The following PLXNA4 variants were observed in gnomAD, a reference collection of about 807,000 sequenced individuals.
The protein encoded by PLXNA4 is plexin-A4.
In PLXNA4, 44 loss-of-function variants were observed where a neutral mutation model predicts 191.8. The ratio of observed to expected loss-of-function variants is 0.23; its 90% confidence interval spans 0.18 to 0.29. PLXNA4 has a LOEUF of 0.29. Among genes scored for constraint, PLXNA4 ranks in the 10% least tolerant of loss-of-function variants. PLXNA4 has a pLI of 1.00. For synonymous variants in PLXNA4, 1,082 were observed against 1,009.5 expected, an observed-to-expected ratio of 1.07 and a Z score of -1.36; for missense variants, 1,800 against 2,488.8, an observed-to-expected ratio of 0.72 and a Z score of 5.89.
At chr7:132,443,547 G>T (rs1308266298) in intron 3 of PLXNA4, among the ~76,000 whole-genome samples, 1 of 152,120 alleles carries the variant, frequency 6.6e-6, no homozygotes, top group Non-Finnish European at 1.5e-5. Context: ...CGGGCCTGTT[G>T]TCCATTTCCT....
chr7:132,227,538 A>C lies in PLXNA4; in HGVS notation c.1795T>G (p.Ser599Ala), dbSNP rs759656711. 1 of 1,614,178 alleles carries C rather than the reference A, an allele frequency of 6.2e-7. No individual in the cohort carries two copies. The highest frequency in any genetic ancestry group is 8.5e-7 in the Non-Finnish European group (1 of 1,180,044). Residue 599 changes from serine (S) to alanine (A), a missense_variant, in exon 7 of 32, where the codon TCA (serine) becomes GCA (alanine). Around this residue, in one of 6 missense-constraint regions of PLXNA4, gnomAD observed 1,397 missense variants for 1,880.4 expected, o/e 0.74. Transcript: ENST00000321063. ...CCCACGACCAGCCCATCCATCTCTG[A>C]CAGGTCCTCAAAGGTGCAGTTGACG... is the stretch of plus-strand genomic sequence containing the variant. Reference protein sequence around the residue: ...AGVNCTFEDLSEMDGLVVGNQ... With the variant: ...AGVNCTFEDLAEMDGLVVGNQ...
intron 3 of PLXNA4, among the ~76,000 whole-genome samples, chr7:132,437,966 T>A (rs1375157842): frequency 6.6e-6 from 1 of 151,946 alleles, no homozygotes; most frequent in Non-Finnish European, 1.5e-5. Flanking sequence ...ATGGGTTCTG[T>A]GGAGGCCAGG....
intron 3 of PLXNA4, among the ~76,000 whole-genome samples, chr7:132,371,545 C>T (rs547809956): frequency 6.6e-5 from 10 of 152,234 alleles, no homozygotes; most frequent in Admixed American, 2.0e-4. Context: ...TAATCCTCCC[C>T]CTAGGAGTTC....
intron 3 of PLXNA4, among the ~76,000 whole-genome samples, chr7:132,471,808 G>A (rs1415101706): frequency 3.3e-5 from 5 of 152,210 alleles, no homozygotes; most frequent in South Asian, 2.1e-4. Context: ...CAGCCACCTC[G>A]CTTTCCATAC....
rs367624546 is a variant in PLXNA4, at chr7:132,174,827, C to T, written c.3968G>A (p.Arg1323Gln). 12 of 1,614,072 alleles carry T rather than the reference C, an allele frequency of 7.4e-6. No individual in the cohort carries two copies. The highest frequency in any genetic ancestry group is 2.7e-5 in the African/African-American group (2 of 75,040). ...GTCTTCAATTCCTGGGAACAGCACC[C>T]GCATGGTGTAAGTTCTATAGTCCAG... ...PFLDYRTYTM[R>Q]VLFPGIEDHP... The change falls in exon 21 of 32, where the codon CGG becomes CAG. Residue 1323 changes from arginine (R) to glutamine (Q), a missense_variant. Transcript: ENST00000321063.
At position 132,507,599 on chromosome 7, in the gene PLXNA4, G is replaced by A. The variant is rs772703859; in HGVS notation, c.1095C>T (p.Asp365=). The change falls in exon 2 of 32, where the codon GAC becomes GAT. Residue 365 remains aspartate (D), a synonymous_variant. Transcript: ENST00000321063. ...LCIFILKQIN[D]RIKERLQSCY... ...AAGACTGCAGCCGCTCCTTAATGCG[G>A]TCATTTATCTGCTTCAAGATGAAGA... 5 of 1,614,068 alleles carry A rather than the reference G, an allele frequency of 3.1e-6. No homozygotes were observed. The highest frequency in any genetic ancestry group is 1.7e-5 in the Admixed American group (1 of 60,008).
Position 132,638,297 on chromosome 7 carries a change from G to A in PLXNA4, c.-87+7631C>T, listed in dbSNP as rs12536684. On this transcript the variant is annotated intron_variant, in intron 2 of 4. Transcript: ENST00000378539. Reference sequence around the variant, plus strand: ...TGAGCAGATCAACACACATCATAGCGGGTTTAGGCCTAGGATGGTTGGAAG... The same window carrying A: ...TGAGCAGATCAACACACATCATAGCAGGTTTAGGCCTAGGATGGTTGGAAG... Among the ~76,000 whole-genome samples the A allele has an allele frequency of 5.6e-3, 859 of 152,302 alleles. 8 individuals are homozygous for A. The highest frequency in any genetic ancestry group is 0.027 in the Middle Eastern group (8 of 294).
At chr7:132,594,353 G>A (rs1802659839) in intron 2 of PLXNA4, among the ~76,000 whole-genome samples, 1 of 152,140 alleles carries the variant, frequency 6.6e-6, no homozygotes, top group South Asian at 2.1e-4. Context: ...AACCTCCCCT[G>A]GTGCCTTCAG....
intron 9 of PLXNA4, among the ~76,000 whole-genome samples, chr7:132,219,622 G>A (rs1002617996): frequency 6.6e-6 from 1 of 152,072 alleles, no homozygotes; most frequent in Non-Finnish European, 1.5e-5. Flanking sequence ...ATAGGTGTCT[G>A]GGGGCTTCCA....
chr7:132,549,123 T>C (rs1330477892), intron 1 of PLXNA4, among the ~76,000 whole-genome samples: 1 of 152,250 alleles, frequency 6.6e-6, no homozygotes, highest in Non-Finnish European at 1.5e-5. Flanking sequence ...ACTGTAAGTA[T>C]ACTCCATCAA....
At chr7:132,488,828 T>G (rs1797663888) in intron 3 of PLXNA4, among the ~76,000 whole-genome samples, 1 of 152,164 alleles carries the variant, frequency 6.6e-6, no homozygotes. Flanking sequence ...TGGGCCCCAT[T>G]TGCAACTTTA....
intron 1 of PLXNA4, among the ~76,000 whole-genome samples, chr7:132,566,015 A>T (rs538669666): frequency 5.9e-5 from 9 of 152,292 alleles, no homozygotes; most frequent in Middle Eastern, 3.4e-3. Context: ...CTGCTAATTC[A>T]TTTCTCTGAT....
chr7:132,459,415 A>G (rs1296011585), intron 3 of PLXNA4, among the ~76,000 whole-genome samples: 1 of 152,208 alleles, frequency 6.6e-6, no homozygotes, highest in Non-Finnish European at 1.5e-5. Context: ...GAGGAGCTGG[A>G]TGCAAGTGGA....
At chr7:132,306,477 C>T (rs957433591) in intron 3 of PLXNA4, among the ~76,000 whole-genome samples, 4 of 152,170 alleles carry the variant, frequency 2.6e-5, no homozygotes, top group Middle Eastern at 3.2e-3. Flanking sequence ...TGGCACACAA[C>T]AGCAGTATGA....
chr7:132,501,678 C>A (rs910859072), intron 2 of PLXNA4, among the ~76,000 whole-genome samples: 4 of 152,152 alleles, frequency 2.6e-5, no homozygotes, highest in Non-Finnish European at 4.4e-5. Flanking sequence ...GGGAGGTGGG[C>A]GGGCCTTTCA....
At chr7:132,252,465 C>T (rs1799289700) in intron 4 of PLXNA4, among the ~76,000 whole-genome samples, 2 of 151,834 alleles carry the variant, frequency 1.3e-5, no homozygotes, top group Admixed American at 6.6e-5. Flanking sequence ...GTGCACGCCA[C>T]CACACCCAGC....
chr7:132,145,945 G>A (rs1392786285), intron 28 of PLXNA4, among the ~76,000 whole-genome samples: 1 of 149,560 alleles, frequency 6.7e-6, no homozygotes. Context: ...AATTAGCCAG[G>A]CGTGGTGGTG....
intron 13 of PLXNA4, among the ~76,000 whole-genome samples, chr7:132,195,595 T>C (rs1034851236): frequency 3.3e-5 from 5 of 152,246 alleles, no homozygotes; most frequent in Non-Finnish European, 7.3e-5. Flanking sequence ...ACACCAGATA[T>C]GAACAATCCT....
chr7:132,200,879 T>G (rs1201128964), intron 12 of PLXNA4, among the ~76,000 whole-genome samples: 1 of 152,218 alleles, frequency 6.6e-6, no homozygotes, highest in Non-Finnish European at 1.5e-5. Context: ...CTCTGAGCAT[T>G]AGCCTCTGTC....
Sources: allele counts gnomAD v4.1 joint callset (sites outside exome capture counted in the v4.1 genomes callset), GRCh38; gene constraint gnomAD v4.1.1; regional missense constraint gnomAD v4.1.1; transcripts MANE v1.5; gene names NCBI Gene and HGNC (gene_info 2026-07-23, HGNC 2026-07-21).